Variants in SLC11A2 observed in about 807,000 individuals in gnomAD.
SLC11A2 encodes natural resistance-associated macrophage protein 2.
In SLC11A2, 38 loss-of-function variants were observed where a neutral mutation model predicts 68.0. The observed-to-expected ratio is 0.56, with a 90% CI of 0.43 to 0.73. SLC11A2 has a LOEUF of 0.73. SLC11A2 is among the 30% of genes least tolerant of loss of function. The probability of loss-of-function intolerance (pLI) is 0.00; values close to 1 mark genes in which losing one functional copy is unlikely to be tolerated. For synonymous variants in SLC11A2, 242 were observed against 250.6 expected (o/e 0.97, Z 0.32); for missense variants, 517 against 690.5 (o/e 0.75, Z 2.82).
At chr12:50,984,456 T>C (rs969809792), downstream of SLC11A2, among the ~76,000 whole-genome samples, 3 of 152,222 alleles carry the variant, frequency 2.0e-5, no homozygotes, top group South Asian at 6.2e-4. Context: ...GGTGGTAGAC[T>C]TCTTCAATAC....
chr12:51,006,739 A>G (rs1322454382), intron 3 of SLC11A2, among the ~76,000 whole-genome samples: 3 of 152,120 alleles, frequency 2.0e-5, no homozygotes, highest in Non-Finnish European at 2.9e-5. Context: ...GTCTTTAGAA[A>G]ATAACTCTTT....
intron 5 of SLC11A2, among the ~76,000 whole-genome samples, chr12:51,001,164 C>CAAA (rs34496378): frequency 4.2e-4 from 44 of 103,828 alleles, no homozygotes; most frequent in South Asian, 1.2e-3. Context: ...GACTCCATCT[C>CAAA]AAAAAAAAAA....
chr12:51,020,129 T>C (rs1856553107), intron 1 of SLC11A2, among the ~76,000 whole-genome samples: 1 of 151,948 alleles, frequency 6.6e-6, no homozygotes, highest in South Asian at 2.1e-4. Flanking sequence ...CAGGCTACAG[T>C]GCAGTTGCAC....
chr12:50,977,329 A>G (rs1387349578), downstream of SLC11A2, among the ~76,000 whole-genome samples: 1 of 152,238 alleles, frequency 6.6e-6, no homozygotes, highest in African/African-American at 2.4e-5. Flanking sequence ...CAGAGCCCTC[A>G]GAAATAATAC....
intron 13 of SLC11A2, among the ~76,000 whole-genome samples, 199 bp from the exon 14 acceptor site, chr12:50,991,871 G>A (rs933012273): frequency 3.3e-5 from 5 of 152,188 alleles, no homozygotes; most frequent in East Asian, 1.9e-4. Flanking sequence ...ACCTTTGTAT[G>A]TGACTTGTCT....
At chr12:50,992,730 C>CAAAAAAAAAAA in intron 12 of SLC11A2, 80 bp downstream of exon 12, 1 of 947,674 alleles carries the variant, frequency 1.1e-6, no homozygotes, top group Non-Finnish European at 1.5e-6. Flanking sequence ...GACTCCATCT[C>CAAAAAAAAAAA]AAAAAAAAAA....
At chr12:50,981,764 G>C, downstream of SLC11A2, 1 of 1,536,106 alleles carries the variant, frequency 6.5e-7, no homozygotes, top group Non-Finnish European at 8.7e-7. Flanking sequence ...ATGGTGTTCA[G>C]AAGATAGAGT....
chr12:50,961,218 T>C, the SLC11A2 span: 1 of 1,056,690 alleles, frequency 9.5e-7, no homozygotes, highest in Non-Finnish European at 1.4e-6. Flanking sequence ...GAGAGAGGGG[T>C]AGGAAAGACT....
At chr12:50,971,596 T>C in the SLC11A2 span, among the ~76,000 whole-genome samples, 1 of 152,200 alleles carries the variant, frequency 6.6e-6, no homozygotes, top group East Asian at 1.9e-4. Flanking sequence ...GGCCTTGGAC[T>C]CCGCTCTAAC....
chr12:50,990,773 T>C (rs1289834717), intron 15 of SLC11A2, 22 bp downstream of exon 15: 1 of 1,613,544 alleles, frequency 6.2e-7, no homozygotes, highest in Non-Finnish European at 8.5e-7. Context: ...CCTATGCCCC[T>C]GCTCTTCCAG....
rs371379237 is a variant in SLC11A2, at chr12:50,995,638, G to A, written c.981C>T (p.Asn327=). The A allele has an allele frequency of 2.6e-5, 42 of 1,613,940 alleles. No individual in the cohort carries two copies. The highest frequency in any genetic ancestry group is 1.3e-4 in the South Asian group (12 of 91,088). ...ACCCTGGCTTACTCACCACCTGCTC[G>A]TTGGTTTTCCCAAAAAATGCTTCAG... ...VFAEAFFGKT[N]EQVVEVCTNT... Residue 327 remains asparagine, a synonymous_variant, in exon 10 of 16, where the codon AAC becomes AAT. Coordinates refer to ENST00000262052, the MANE Select transcript of SLC11A2 (RefSeq NM_000617.3).
the SLC11A2 span, among the ~76,000 whole-genome samples, chr12:50,960,239 T>C: frequency 1.3e-5 from 2 of 152,358 alleles, no homozygotes; most frequent in African/African-American, 4.8e-5. Flanking sequence ...TGTTTCACTT[T>C]ATATAGAAGC....
At chr12:51,007,980 G>C (rs1421874968) in intron 3 of SLC11A2, among the ~76,000 whole-genome samples, 1 of 152,166 alleles carries the variant, frequency 6.6e-6, no homozygotes, top group Non-Finnish European at 1.5e-5. Context: ...AGGAAGGATA[G>C]CTTGAGGCCA....
chr12:50,983,312 T>A (rs1220901798), downstream of SLC11A2, among the ~76,000 whole-genome samples: 1 of 152,220 alleles, frequency 6.6e-6, no homozygotes, highest in African/African-American at 2.4e-5. Flanking sequence ...CCTATTATTA[T>A]TACGCAGAGC....
intron 14 of SLC11A2, 83 bp from the exon 15 acceptor site, chr12:50,991,031 G>T: frequency 8.0e-7 from 1 of 1,255,724 alleles, no homozygotes; most frequent in Non-Finnish European, 1.2e-6. Context: ...GGAATTAGAG[G>T]CAGTTCAAAA....
chr12:51,020,162 C>T (rs967504748), intron 1 of SLC11A2, among the ~76,000 whole-genome samples: 2 of 151,854 alleles, frequency 1.3e-5, no homozygotes, highest in Non-Finnish European at 2.9e-5. Flanking sequence ...AAGTGATCCT[C>T]CCACCTCAGC....
chr12:51,025,477 G>T (rs224574), intron 1 of SLC11A2, among the ~76,000 whole-genome samples: 2 of 152,166 alleles, frequency 1.3e-5, no homozygotes, highest in South Asian at 4.1e-4. Flanking sequence ...CCAGAAGTCA[G>T]TGTAAACATA....
chr12:50,987,264 G>A lies in SLC11A2; in HGVS notation c.*1061C>T. On this transcript the variant is annotated 3_prime_UTR_variant, in exon 16 of 16. Coordinates refer to ENST00000262052, the MANE Select transcript of SLC11A2 (RefSeq NM_000617.3). Reference sequence around the variant, plus strand: ...ATACTAACACCTACTGACTTGCAGAGAACGCTGAGAAAGACAGTGTGCTTT... The same window carrying A: ...ATACTAACACCTACTGACTTGCAGAAAACGCTGAGAAAGACAGTGTGCTTT... 1 of 1,287,224 alleles carries A rather than the reference G, an allele frequency of 7.8e-7. No homozygotes were observed. Among genetic ancestry groups the A allele is most frequent in the Non-Finnish European group, 1.0e-6 (1 of 988,690 alleles). 79.7% of individuals were successfully genotyped at this position (1,287,224 alleles called of 1,614,324 possible).
upstream of SLC11A2, chr12:51,026,428 G>A (rs933929666): frequency 1.8e-6 from 2 of 1,089,470 alleles, no homozygotes; most frequent in South Asian, 1.3e-5. Context: ...CAGGACGGCA[G>A]CCGCACATCC....
Sources: allele counts gnomAD v4.1 joint callset (sites outside exome capture counted in the v4.1 genomes callset), GRCh38; gene constraint gnomAD v4.1.1; transcripts MANE v1.5; gene names NCBI Gene and HGNC (gene_info 2026-07-23, HGNC 2026-07-21).